Variants in PTAFR observed in about 807,000 individuals in gnomAD.
PTAFR encodes the protein platelet activating factor receptor, also known as platelet-activating factor receptor.
PTAFR carries 8 observed loss-of-function variants against 14.7 expected under a neutral mutation model. The ratio of observed to expected loss-of-function variants is 0.54; its 90% confidence interval spans 0.32 to 0.98. The LOEUF (loss-of-function observed/expected upper bound fraction) is 0.98, where lower values mean the gene tolerates loss of function less well. PTAFR is among the 50% of genes least tolerant of loss of function. PTAFR has a pLI of 0.04. For missense variants in PTAFR, 337 were observed against 451.2 expected (o/e 0.75, Z 2.29); for synonymous variants, 156 against 176.5 (o/e 0.88, Z 0.92).
rs552489828 is a variant in PTAFR at position 28,172,885 on chromosome 1, T to TAA, written c.-39+3705_-39+3706dup. ...CCTCGCTTATCTCAAAGCATTGTTG[T>TAA]AAAAAAAAAAGGAAGTGAGATTATT... On this transcript the variant is annotated intron_variant, in intron 1 of 1. Coordinates refer to ENST00000373857, the MANE Select transcript of PTAFR (RefSeq NM_000952.5). Among the ~76,000 whole-genome samples, 36 of 146,658 alleles carry TAA rather than the reference T, an allele frequency of 2.5e-4. 1 individual carries two copies. The South Asian group carries it at 6.0e-3, about 24-fold the overall frequency.
intron 1 of PTAFR, among the ~76,000 whole-genome samples, chr1:28,157,409 C>T (rs976993689): frequency 2.0e-5 from 3 of 152,004 alleles, no homozygotes; most frequent in Non-Finnish European, 2.9e-5. Context: ...TCAAGTGATC[C>T]GCCCGCCTCG....
chr1:28,174,299 C>G (rs933245820), intron 1 of PTAFR, among the ~76,000 whole-genome samples: 1 of 152,104 alleles, frequency 6.6e-6, no homozygotes, highest in Non-Finnish European at 1.5e-5. Flanking sequence ...CTCCACCCAT[C>G]TAGGGGATCA....
Position 28,149,960 on chromosome 1 carries a change from TGGA to T in PTAFR, c.*30_*32del, listed in dbSNP as rs1433954251. ...CCCCCAGCTCAGTCCATGATGTTCA[TGGA>T]GGAGAAGACTTCAGGCCTGGAAGCA... On this transcript the variant is annotated 3_prime_UTR_variant, in exon 2 of 2. Transcript: ENST00000373857. The T allele has an allele frequency of 4.6e-5, 73 of 1,584,468 alleles. No individual in the cohort carries two copies. The East Asian group carries it at 1.6e-3, about 35-fold the overall frequency.
chr1:28,182,594 TA>T (rs148469079), intron 1 of PTAFR, among the ~76,000 whole-genome samples: 9,652 of 145,096 alleles, frequency 0.067, 316 homozygotes, highest in Middle Eastern at 0.096. Context: ...CCCTGTCTCT[TA>T]AAAAAAAAAA....
At chr1:28,162,829 CAAAAAAAAAAAAA>C (rs529755155) in intron 1 of PTAFR, among the ~76,000 whole-genome samples, 28 of 59,164 alleles carry the variant, frequency 4.7e-4, no homozygotes, top group African/African-American at 1.8e-3. Flanking sequence ...ACTTTGTCTC[CAAAAAAAAAAAAA>C]AAAAAAAAAA....
chr1:28,174,291 C>T (rs1286139411), intron 1 of PTAFR, among the ~76,000 whole-genome samples: 1 of 152,102 alleles, frequency 6.6e-6, no homozygotes, highest in African/African-American at 2.4e-5. Flanking sequence ...GTCCAAGCCT[C>T]CACCCATCTA....
chr1:28,164,908 C>T (rs1421895417), intron 1 of PTAFR, among the ~76,000 whole-genome samples: 1 of 152,186 alleles, frequency 6.6e-6, no homozygotes, highest in Non-Finnish European at 1.5e-5. Context: ...GATGGCATGA[C>T]CTGCTCTGTA....
intron 1 of PTAFR, among the ~76,000 whole-genome samples, chr1:28,169,039 G>A (rs2149000462): frequency 6.6e-6 from 1 of 152,210 alleles, no homozygotes; most frequent in East Asian, 1.9e-4. Flanking sequence ...ACATTCTAGA[G>A]ATCTATTATA....
intron 1 of PTAFR, among the ~76,000 whole-genome samples, chr1:28,189,976 T>TCTTAGCACATTAAC (rs1396097360): frequency 2.7e-5 from 4 of 148,676 alleles, no homozygotes; most frequent in South Asian, 2.1e-4. Flanking sequence ...AAATAACATT[T>TCTTAGCACATTAAC]ATTTTTTTTG....
chr1:28,165,643 C>A (rs1210345023), intron 1 of PTAFR, among the ~76,000 whole-genome samples: 1 of 151,680 alleles, frequency 6.6e-6, no homozygotes. Flanking sequence ...ATTAGCCAGG[C>A]GTGGTGGCAG....
chr1:28,188,989 G>GA (rs1646628907), intron 1 of PTAFR, among the ~76,000 whole-genome samples: 1 of 151,766 alleles, frequency 6.6e-6, no homozygotes, highest in Non-Finnish European at 1.5e-5. Context: ...CACCTGAATA[G>GA]AAGAAATTCA....
chr1:28,151,606 G>C (rs751777599), intron 1 of PTAFR, among the ~76,000 whole-genome samples: 7 of 152,168 alleles, frequency 4.6e-5, no homozygotes, highest in African/African-American at 1.4e-4. Flanking sequence ...GCTGAAGTGA[G>C]CTGTGATTGT....
chr1:28,189,770 G>A lies in PTAFR; in HGVS notation c.-39+3952C>T, dbSNP rs1488908083. On this transcript the variant is annotated intron_variant, in intron 1 of 1. Coordinates refer to the PTAFR transcript ENST00000305392. ...AACCTCCACCTCCTGGGCTCAAGGC[G>A]TCCTCCCACCTCAGCCTCCCGAGTA... 4.1e-5 allele frequency among the ~76,000 whole-genome samples: 6 copies of A among 146,020 alleles called. No homozygotes were observed. In the East Asian group the frequency reaches 6.4e-4, roughly 15 times the overall value.
chr1:28,179,255 G>A (rs1411117486), upstream of PTAFR, among the ~76,000 whole-genome samples: 5 of 152,130 alleles, frequency 3.3e-5, no homozygotes, highest in East Asian at 3.9e-4. Context: ...AGGGACCTCC[G>A]GGATCAACCA....
intron 1 of PTAFR, among the ~76,000 whole-genome samples, chr1:28,169,008 A>C (rs1004072794): frequency 7.9e-5 from 12 of 152,078 alleles, no homozygotes; most frequent in Admixed American, 2.0e-4. Flanking sequence ...GATTTAAAAA[A>C]AGAAAAGAAA....
At position 28,153,174 on chromosome 1, in the gene PTAFR, G is replaced by A. The variant is rs1433524657; in HGVS notation, c.-38-2115C>T. Among the ~76,000 whole-genome samples the A allele has an allele frequency of 5.3e-5, 8 of 152,232 alleles. No individual in the cohort carries two copies. In the East Asian group the frequency reaches 5.8e-4, roughly 11 times the overall value. The stretch of plus-strand genomic sequence containing the variant: ...CAATTAGCCAGGCATAGTGGTGCAC[G>A]CCTGTAGTCTCAGCTACTCAGGGTA... On this transcript the variant is annotated intron_variant, in intron 1 of 1. Transcript: ENST00000373857.
intron 1 of PTAFR, among the ~76,000 whole-genome samples, chr1:28,166,670 C>CAA (rs61065749): frequency 8.3e-6 from 1 of 120,370 alleles, no homozygotes; most frequent in African/African-American, 3.0e-5. Flanking sequence ...GACTCCATCT[C>CAA]AAAAAAAAAA....
intron 1 of PTAFR, among the ~76,000 whole-genome samples, chr1:28,191,570 CAAAAAGA>C (rs994220552): frequency 1.4e-5 from 2 of 145,202 alleles, no homozygotes; most frequent in Non-Finnish European, 3.0e-5. Flanking sequence ...CTCATCTCTA[CAAAAAGA>C]AAAAAGAAAA....
At chr1:28,159,762 G>C (rs1646302767) in intron 1 of PTAFR, among the ~76,000 whole-genome samples, 1 of 151,684 alleles carries the variant, frequency 6.6e-6, no homozygotes, top group African/African-American at 2.4e-5. Flanking sequence ...GGAGGTAGAG[G>C]TTGCAGTGAG....
Sources: gnomAD v4.1 joint callset for allele counts (sites outside exome capture counted in the v4.1 genomes callset) on GRCh38, gnomAD v4.1.1 for gene constraint, MANE v1.5 for transcripts, NCBI Gene and HGNC (gene_info 2026-07-23, HGNC 2026-07-21) for gene names.